Variants in NUP210 observed in about 807,000 individuals in gnomAD.
NUP210 encodes the protein nuclear pore membrane glycoprotein 210.
In NUP210, 151 loss-of-function variants were observed where a neutral mutation model predicts 196.0. The observed-to-expected ratio is 0.77, with a 90% CI of 0.67 to 0.88. NUP210 has a LOEUF of 0.88. Among genes scored for constraint, NUP210 ranks in the 40% least tolerant of loss-of-function variants. The pLI is 0.00. For synonymous variants in NUP210, 1,070 were observed against 1,052.7 expected (o/e 1.02, Z -0.32); for missense variants, 2,314 against 2,493.7 (o/e 0.93, Z 1.53).
At chr3:13,326,335 C>T (rs1011498907) in intron 32 of NUP210, among the ~76,000 whole-genome samples, 1 of 109,432 alleles carries the variant, frequency 9.1e-6, no homozygotes, top group Admixed American at 1.0e-4. Flanking sequence ...CCCATCCCTT[C>T]GTTGCCTTAT....
At chr3:13,354,386 G>A (rs447202) in intron 16 of NUP210, 5 of 458,974 alleles carry the variant, frequency 1.1e-5, no homozygotes, top group African/African-American at 2.0e-5. Flanking sequence ...CTGTCCCTAC[G>A]CATGAGTCAG....
In NUP210 at chr3:13,375,588, T is replaced by A; in HGVS notation, c.1347A>T (p.Glu449Asp). The A allele has an allele frequency of 1.2e-6, 2 of 1,614,104 alleles. No homozygotes were observed. The highest frequency in any genetic ancestry group is 1.7e-6 in the Non-Finnish European group (2 of 1,179,990). Residue 449 changes from glutamate to aspartate, a missense_variant, in exon 11 of 40, where the codon GAA (glutamate) becomes GAT (aspartate). Transcript: ENST00000254508. Reference sequence around the variant, plus strand: ...GATACAGGGTGATCGGGATGTGAATTTCCACCTCCTGCTGGTTCCACACAG... The same window carrying A: ...GATACAGGGTGATCGGGATGTGAATATCCACCTCCTGCTGGTTCCACACAG... ...QVPVWNQQEVEIHIPITLYPS... is the reference protein window; with the variant it reads ...QVPVWNQQEVDIHIPITLYPS...
intron 28 of NUP210, 140 bp from the exon 29 acceptor site, chr3:13,332,524 T>C (rs1697039183): frequency 1.5e-6 from 1 of 662,994 alleles, no homozygotes; most frequent in Admixed American, 2.3e-5. Context: ...AGGTCACTGA[T>C]GACATGATGT....
chr3:13,409,404 G>A (rs986960359), intron 1 of NUP210, among the ~76,000 whole-genome samples: 1 of 152,214 alleles, frequency 6.6e-6, no homozygotes, highest in Non-Finnish European at 1.5e-5. Flanking sequence ...CCCACCATGA[G>A]AGGATGTCAC....
At chr3:13,386,474 A>G in intron 5 of NUP210, 67 bp from the exon 6 acceptor site, 1 of 1,568,062 alleles carries the variant, frequency 6.4e-7, no homozygotes, top group Non-Finnish European at 8.7e-7. Context: ...TGGTGTGAGC[A>G]AGAGAAAGAG....
Position 13,331,218 on chromosome 3 carries a change from T to C in NUP210, c.3936-584A>G, listed in dbSNP as rs114398993. Among the ~76,000 whole-genome samples, 1,207 of 152,286 alleles carry C rather than the reference T, an allele frequency of 7.9e-3. 17 individuals carry two copies. The highest frequency in any genetic ancestry group is 0.028 in the African/African-American group (1,152 of 41,548). On this transcript the variant is annotated intron_variant, in intron 29 of 39. Transcript: ENST00000254508. ...AAAACAGACTACCCGCTAAGAAAACTGTTAGCAAACTACTGATACTATGTA... is the reference window on the plus strand; with the variant it reads ...AAAACAGACTACCCGCTAAGAAAACCGTTAGCAAACTACTGATACTATGTA...
intron 16 of NUP210, among the ~76,000 whole-genome samples, chr3:13,355,148 G>C (rs1044467445): frequency 6.6e-6 from 1 of 152,214 alleles, no homozygotes; most frequent in Non-Finnish European, 1.5e-5. Flanking sequence ...GGACTGCAAG[G>C]TCATTTTAGA....
chr3:13,375,497 C>T lies in NUP210; in HGVS notation c.1431+7G>A, dbSNP rs1309216198. 4 of 1,613,264 alleles carry T rather than the reference C, an allele frequency of 2.5e-6. No individual in the cohort carries two copies. The highest frequency in any genetic ancestry group is 2.5e-6 in the Non-Finnish European group (3 of 1,179,470). ...GAATGCACGCAGAGGTGAGGGGTCTCACGTACCCTTATTGTGTACTGATAG... is the reference window on the plus strand; with the variant it reads ...GAATGCACGCAGAGGTGAGGGGTCTTACGTACCCTTATTGTGTACTGATAG... On this transcript the variant is annotated splice_region_variant and intron_variant, in intron 11 of 39. Transcript: ENST00000254508.
At chr3:13,332,526 A>C (rs1697039311) in intron 28 of NUP210, 142 bp from the exon 29 acceptor site, 1 of 662,570 alleles carries the variant, frequency 1.5e-6, no homozygotes, top group Non-Finnish European at 2.7e-6. Flanking sequence ...GTCACTGATG[A>C]CATGATGTGA....
chr3:13,317,649 T>G lies in NUP210; in HGVS notation c.*32A>C, dbSNP rs1178043700. The G allele has an allele frequency of 6.7e-7, 1 of 1,493,762 alleles. No individual in the cohort carries two copies. The highest frequency in any genetic ancestry group is 9.2e-7 in the Non-Finnish European group (1 of 1,085,514). The allele number at this position is 1,493,762 out of a possible 1,614,324, so 92.5% of individuals were successfully genotyped here. ...ATCTTGGGGGTGCACGAGGCTCGGC[T>G]GAGACCCATCCTCCGGGAACCTTCA... On this transcript the variant is annotated 3_prime_UTR_variant, in exon 40 of 40. Coordinates refer to ENST00000254508, the MANE Select transcript of NUP210 (RefSeq NM_024923.4).
chr3:13,351,600 C>G (rs533816488), intron 20 of NUP210: 48 of 355,462 alleles, frequency 1.4e-4, no homozygotes, highest in African/African-American at 9.0e-4. Flanking sequence ...AATCCTCCTG[C>G]CTCAGGTTCC....
At chr3:13,326,052 C>T in intron 32 of NUP210, 121 bp from the exon 33 acceptor site, 1 of 1,275,396 alleles carries the variant, frequency 7.8e-7, no homozygotes, top group East Asian at 2.4e-5. Flanking sequence ...TGGGGGCTCA[C>T]TCAGCAGCCT....
chr3:13,331,382 G>A (rs868219948), intron 29 of NUP210, among the ~76,000 whole-genome samples: 2 of 152,110 alleles, frequency 1.3e-5, no homozygotes, highest in South Asian at 2.1e-4. Context: ...CCCTATAGAT[G>A]ACTAGGAGCA....
intron 36 of NUP210, among the ~76,000 whole-genome samples, chr3:13,321,015 G>A (rs1316370692): frequency 6.6e-6 from 1 of 152,244 alleles, no homozygotes; most frequent in Non-Finnish European, 1.5e-5. Flanking sequence ...GCGATGCTGA[G>A]CATTCCCTGC....
At chr3:13,343,148 G>A (rs750700349) in intron 21 of NUP210, 27 bp downstream of exon 21, 1 of 1,612,970 alleles carries the variant, frequency 6.2e-7, no homozygotes, top group African/African-American at 1.3e-5. Context: ...TCAGCCGAGG[G>A]TGCCCCGTCA....
In NUP210 at chr3:13,379,329, G is replaced by A. The variant is rs981478065; in HGVS notation, c.976+234C>T. ...GTACTGGAGAAGTTTCTGGAGACGA[G>A]GAACGACACTCAGCTCCTGCCATCA... On this transcript the variant is annotated intron_variant, in intron 7 of 39. Coordinates refer to ENST00000254508, the MANE Select transcript of NUP210 (RefSeq NM_024923.4). The surrounding 1 kb of genome is among the most constrained non-coding windows in gnomAD (Gnocchi z 4.2). Among the ~76,000 whole-genome samples, 4 of 152,148 alleles carry A rather than the reference G, an allele frequency of 2.6e-5. No individual in the cohort carries two copies. The highest frequency in any genetic ancestry group is 5.9e-5 in the Non-Finnish European group (4 of 68,020).
chr3:13,386,450 G>A, intron 5 of NUP210, 43 bp from the exon 6 acceptor site: 3 of 1,611,012 alleles, frequency 1.9e-6, no homozygotes, highest in Non-Finnish European at 2.5e-6. Context: ...TGCGGACAGG[G>A]AATGGGGAAG....
chr3:13,353,612 G>C lies in NUP210; in HGVS notation c.2570C>G (p.Thr857Ser). The change falls in exon 18 of 40, where the codon ACT becomes AGT. Residue 857 changes from threonine to serine, a missense_variant. Thr to Ser is a moderately conservative substitution (Grantham distance 58). Coordinates refer to ENST00000254508, the MANE Select transcript of NUP210 (RefSeq NM_024923.4). ...CTCCTGGTAGCCAGTGGCAGTGGCA[G>C]TGATGGCTGTGGTTCCTGATGCCTC... ...VHEASGTTAI[T>S]ATATGYQESH... is the part of the protein sequence containing the mutation. 1 of 1,614,158 alleles carries C rather than the reference G, an allele frequency of 6.2e-7. No homozygotes were observed. Among genetic ancestry groups the C allele is most frequent in the Non-Finnish European group, 8.5e-7 (1 of 1,180,002 alleles).
At chr3:13,371,612 CTG>C (rs1698733087) in intron 13 of NUP210, among the ~76,000 whole-genome samples, 1 of 152,240 alleles carries the variant, frequency 6.6e-6, no homozygotes, top group Admixed American at 6.5e-5. Flanking sequence ...GATGTGAAAA[CTG>C]AGGCTGAGCG....
Sources: gnomAD v4.1 joint callset for allele counts (sites outside exome capture counted in the v4.1 genomes callset) on GRCh38, gnomAD v4.1.1 for gene constraint, Gnocchi (gnomAD v3.1) non-coding constraint, MANE v1.5 for transcripts, NCBI Gene and HGNC (gene_info 2026-07-23, HGNC 2026-07-21) for gene names.